Variants in RASGRF2 observed in about 807,000 individuals in gnomAD.
RASGRF2 encodes ras-specific guanine nucleotide-releasing factor 2.
In RASGRF2, 76 loss-of-function variants were observed where a neutral mutation model predicts 151.0. The ratio of observed to expected loss-of-function variants is 0.50; its 90% CI spans 0.42 to 0.61. The LOEUF is 0.61. Ranked by LOEUF, RASGRF2 falls within the 20% of genes least tolerant of loss-of-function variation. The pLI is 0.00. For missense variants in RASGRF2, 1,148 were observed against 1,564.6 expected, an observed-to-expected ratio of 0.73 and a Z score of 4.49; for synonymous variants, 504 against 566.5, an observed-to-expected ratio of 0.89 and a Z score of 1.57.
intron 1 of RASGRF2, among the ~76,000 whole-genome samples, chr5:81,015,136 G>A (rs1749587242): frequency 6.6e-6 from 1 of 151,996 alleles, no homozygotes; most frequent in Admixed American, 6.6e-5. Flanking sequence ...TCACAAAGAT[G>A]GTAGCCATTT....
chr5:81,115,344 T>G (rs924550040), intron 15 of RASGRF2, among the ~76,000 whole-genome samples: 1 of 152,156 alleles, frequency 6.6e-6, no homozygotes, highest in Non-Finnish European at 1.5e-5. Context: ...AAAAAGTCAT[T>G]AGAACAACAA....
chr5:81,061,354 T>C (rs1362066198), intron 2 of RASGRF2, among the ~76,000 whole-genome samples: 2 of 152,222 alleles, frequency 1.3e-5, no homozygotes, highest in Non-Finnish European at 2.9e-5. Flanking sequence ...TTGACCTGTT[T>C]TGATACATAT....
Position 81,113,631 on chromosome 5 carries a change from C to T in RASGRF2, c.2181C>T (p.Ser727=). ...KSPRLCRKFS[S]PPPLAVSRTS... ...CACGTCTGTGTCGCAAATTCTCTTC[C>T]CCGCCACCACTGGCTGTGTCCAGAA... The change falls in exon 15 of 27, where the codon TCC becomes TCT. Residue 727 remains serine, a synonymous_variant. Coordinates refer to ENST00000265080, the MANE Select transcript of RASGRF2 (RefSeq NM_006909.3). 1 of 1,611,530 alleles carries T rather than the reference C, an allele frequency of 6.2e-7. No homozygotes were observed. Among genetic ancestry groups the T allele is most frequent in the Non-Finnish European group, 8.5e-7 (1 of 1,177,660 alleles).
At chr5:81,174,379 T>C (rs1300075840) in intron 17 of RASGRF2, among the ~76,000 whole-genome samples, 3 of 152,074 alleles carry the variant, frequency 2.0e-5, no homozygotes, top group African/African-American at 4.8e-5. Context: ...TTGGAAGGCA[T>C]AGAAAAACCA....
At chr5:81,110,011 C>T (rs1752952681) in intron 13 of RASGRF2, among the ~76,000 whole-genome samples, 2 of 152,140 alleles carry the variant, frequency 1.3e-5, no homozygotes, top group Admixed American at 6.5e-5. Context: ...CCTGATTATC[C>T]TCAATCAGAG....
rs1302024532 is a variant in RASGRF2 at position 81,077,731 on chromosome 5, A to G, written c.888-2390A>G. On this transcript the variant is annotated intron_variant, in intron 5 of 26. Transcript: ENST00000265080. ...CTGATGGCAGTGGATGGGATTGTGTACTGAACTCTGATAATGAGAGGAACT... is the reference window on the plus strand; with the variant it reads ...CTGATGGCAGTGGATGGGATTGTGTGCTGAACTCTGATAATGAGAGGAACT... Among the ~76,000 whole-genome samples, 6 of 152,174 alleles carry G rather than the reference A, an allele frequency of 3.9e-5. No homozygotes were observed. The South Asian group carries it at 1.2e-3, about 32-fold the overall frequency.
At chr5:80,990,186 G>A (rs1338545522) in intron 1 of RASGRF2, among the ~76,000 whole-genome samples, 2 of 151,862 alleles carry the variant, frequency 1.3e-5, no homozygotes, top group Non-Finnish European at 2.9e-5. Context: ...GTCGCCTAAA[G>A]GAAAGACCTC....
chr5:81,053,180 G>T (rs1347395798), intron 2 of RASGRF2, among the ~76,000 whole-genome samples: 3 of 151,564 alleles, frequency 2.0e-5, no homozygotes, highest in South Asian at 2.1e-4. Flanking sequence ...CAACCTGCAG[G>T]TTTGTTACAT....
intron 1 of RASGRF2, 149 bp from the exon 2 acceptor site, chr5:81,042,728 C>T: frequency 1.7e-6 from 1 of 577,578 alleles, no homozygotes; most frequent in African/African-American, 1.9e-5. Context: ...CCAACTGGAC[C>T]CAGAGTGAAA....
intron 12 of RASGRF2, among the ~76,000 whole-genome samples, chr5:81,102,620 AG>A (rs1315101967): frequency 6.6e-6 from 1 of 151,540 alleles, no homozygotes; most frequent in Non-Finnish European, 1.5e-5. Flanking sequence ...ACTTGAGCCC[AG>A]GATGTGGAGG....
chr5:81,177,749 A>G (rs1754808937), intron 17 of RASGRF2, among the ~76,000 whole-genome samples: 1 of 152,200 alleles, frequency 6.6e-6, no homozygotes, highest in South Asian at 2.1e-4. Flanking sequence ...TGTCCAATTC[A>G]GGCTGGAAAG....
intron 1 of RASGRF2, among the ~76,000 whole-genome samples, chr5:80,971,809 A>G (rs572049899): frequency 7.2e-4 from 109 of 152,014 alleles, no homozygotes; most frequent in African/African-American, 2.4e-3. Context: ...GGCTCAAGCA[A>G]TCTGCTCCCC....
chr5:81,086,713 A>T, intron 8 of RASGRF2, 122 bp from the exon 9 acceptor site: 1 of 772,874 alleles, frequency 1.3e-6, no homozygotes, highest in Non-Finnish European at 2.1e-6. Flanking sequence ...TATTTCCCCC[A>T]AACCCCCGGT....
intron 23 of RASGRF2, among the ~76,000 whole-genome samples, chr5:81,215,360 T>C (rs1580412944): frequency 7.0e-6 from 1 of 142,320 alleles, no homozygotes; most frequent in Admixed American, 7.6e-5. Flanking sequence ...AACCTCCGCC[T>C]CCCGGGTTCA....
chr5:81,066,845 TGTG>T (rs1158190316), intron 2 of RASGRF2, among the ~76,000 whole-genome samples: 14 of 152,246 alleles, frequency 9.2e-5, no homozygotes, highest in Non-Finnish European at 1.3e-4. Flanking sequence ...GCTGGTTTAA[TGTG>T]GTCATGAGGG....
chr5:81,209,108 G>A (rs1755576522), intron 22 of RASGRF2, among the ~76,000 whole-genome samples: 1 of 152,088 alleles, frequency 6.6e-6, no homozygotes, highest in Non-Finnish European at 1.5e-5. Flanking sequence ...CGGTAAGGCT[G>A]GGTTGGTGCA....
At chr5:81,154,871 T>A (rs60603788) in intron 17 of RASGRF2, among the ~76,000 whole-genome samples, 2,471 of 152,330 alleles carry the variant, frequency 0.016, 24 homozygotes, top group Middle Eastern at 0.048. Flanking sequence ...CTGGTTTCCA[T>A]AATGGCTGTA....
At chr5:81,080,065 A>G in intron 5 of RASGRF2, 56 bp from the exon 6 acceptor site, 2 of 1,554,690 alleles carry the variant, frequency 1.3e-6, no homozygotes, top group Non-Finnish European at 8.6e-7. Flanking sequence ...TCTGGATTTT[A>G]AACAAAATAA....
chr5:81,131,428 C>T (rs1753615752), intron 17 of RASGRF2, among the ~76,000 whole-genome samples: 1 of 152,118 alleles, frequency 6.6e-6, no homozygotes, highest in Non-Finnish European at 1.5e-5. Flanking sequence ...GATCTTGGCT[C>T]ACTGAAACCT....
Sources: gnomAD v4.1 joint callset for allele counts (sites outside exome capture counted in the v4.1 genomes callset) on GRCh38, gnomAD v4.1.1 for gene constraint, MANE v1.5 for transcripts, NCBI Gene and HGNC (gene_info 2026-07-23, HGNC 2026-07-21) for gene names.